The following VIT variants were observed in gnomAD, a reference collection of about 807,000 sequenced individuals.
VIT encodes vitrin.
In VIT, 99 loss-of-function variants were observed where a neutral mutation model predicts 78.0. The ratio of observed to expected loss-of-function variants is 1.27; its 90% CI spans 1.08 to 1.50. The LOEUF is 1.50. Ranked by LOEUF, VIT falls within the 40% of genes most tolerant of loss-of-function variation. VIT has a pLI of 0.00. For missense variants in VIT, 1,126 were observed against 875.3 expected (o/e 1.29, Z -3.61); for synonymous variants, 374 against 334.3 (o/e 1.12, Z -1.29).
At chr2:36,764,404 G>A (rs961593574) in intron 6 of VIT, among the ~76,000 whole-genome samples, 8 of 152,322 alleles carry the variant, frequency 5.3e-5, no homozygotes, top group Admixed American at 2.0e-4. Context: ...AGGGTAAGAC[G>A]GAGAAGTACT....
chr2:36,708,486 C>T (rs1573114999), intron 1 of VIT, among the ~76,000 whole-genome samples: 1 of 152,096 alleles, frequency 6.6e-6, no homozygotes, highest in Admixed American at 6.5e-5. Flanking sequence ...CTCTAGGGGG[C>T]TTATTAAAAA....
chr2:36,812,618 C>T (rs1667254890), intron 15 of VIT, among the ~76,000 whole-genome samples: 1 of 152,088 alleles, frequency 6.6e-6, no homozygotes, highest in Admixed American at 6.6e-5. Context: ...CCATTTGCAC[C>T]TAGACATGCT....
At chr2:36,707,789 C>A (rs10181855) in intron 1 of VIT, among the ~76,000 whole-genome samples, 1 of 151,298 alleles carries the variant, frequency 6.6e-6, no homozygotes, top group African/African-American at 2.4e-5. Flanking sequence ...AACCACCATA[C>A]TGAGAAAAGG....
chr2:36,719,435 A>C (rs753307749), intron 2 of VIT, among the ~76,000 whole-genome samples: 2 of 152,222 alleles, frequency 1.3e-5, no homozygotes, highest in African/African-American at 4.8e-5. Flanking sequence ...GAAAGCCCTA[A>C]AGACTCCACC....
intron 13 of VIT, among the ~76,000 whole-genome samples, chr2:36,802,985 T>G (rs1051863550): frequency 6.6e-6 from 1 of 152,220 alleles, no homozygotes; most frequent in East Asian, 1.9e-4. Flanking sequence ...TCTTCCAAGA[T>G]TAGGAAATCA....
intron 3 of VIT, among the ~76,000 whole-genome samples, chr2:36,730,332 G>A (rs569445161): frequency 6.6e-6 from 1 of 151,686 alleles, no homozygotes; most frequent in East Asian, 1.9e-4. Context: ...TGGAATAATA[G>A]ATGTTTACTT....
At chr2:36,705,728 A>G (rs566019070) in intron 1 of VIT, among the ~76,000 whole-genome samples, 1 of 152,198 alleles carries the variant, frequency 6.6e-6, no homozygotes, top group Admixed American at 6.5e-5. Flanking sequence ...AGTACATAGA[A>G]TATTTATGGG....
In VIT at chr2:36,805,533, T is replaced by G; in HGVS notation, c.1258T>G (p.Trp420Gly). The G allele has an allele frequency of 6.2e-7, 1 of 1,614,136 alleles. No homozygotes were observed. Among genetic ancestry groups the G allele is most frequent in the Non-Finnish European group, 8.5e-7 (1 of 1,180,016 alleles). Reference sequence around the variant, plus strand: ...TGTGGTGGTGGTGATGGTGGATGGCTGGCCCACGGACAAAGTGGAGGAGGC... The same window carrying G: ...TGTGGTGGTGGTGATGGTGGATGGCGGGCCCACGGACAAAGTGGAGGAGGC... ...PNVVVVMVDG[W>G]PTDKVEEASR... The change falls in exon 14 of 16, where the codon TGG (tryptophan) becomes GGG (glycine). Residue 420 changes from tryptophan (W) to glycine (G), a missense_variant. Transcript: ENST00000379242.
In VIT at chr2:36,805,411, C is replaced by A. The variant is rs183201068; in HGVS notation, c.1163-27C>A. 293 of 1,574,796 alleles carry A rather than the reference C, an allele frequency of 1.9e-4. No homozygotes were observed. The African/African-American group carries it at 3.6e-3, about 19-fold the overall frequency. The stretch of plus-strand genomic sequence containing the variant: ...GTATTTATAATCAGCGTGATCACTC[C>A]AAGCATGAATTTTCTTTTTCTTCCA... On this transcript the variant is annotated intron_variant, in intron 13 of 15. Coordinates refer to ENST00000379242, the MANE Select transcript of VIT (RefSeq NM_053276.4).
In VIT at chr2:36,773,863, C is replaced by A. The variant is rs985249421; in HGVS notation, c.736+16C>A. 1.3e-6 allele frequency: 2 copies of A among 1,579,320 alleles called. No individual in the cohort carries two copies. The highest frequency in any genetic ancestry group is 2.7e-5 in the African/African-American group (2 of 74,030). ...GCTGATCCAGGTAAGACCTTAAACT[C>A]CCTTTCCAGCCACTGATGAAAGTTA... On this transcript the variant is annotated intron_variant, in intron 8 of 15. Coordinates refer to ENST00000379242, the MANE Select transcript of VIT (RefSeq NM_053276.4).
intron 4 of VIT, among the ~76,000 whole-genome samples, chr2:36,752,012 C>G (rs1668493410): frequency 6.6e-6 from 1 of 152,032 alleles, no homozygotes; most frequent in African/African-American, 2.4e-5. Flanking sequence ...CTGCCAGAGT[C>G]CCAACAGTCA....
chr2:36,808,988 A>G lies in VIT; in HGVS notation c.1903+3A>G, dbSNP rs773751342. On this transcript the variant is annotated splice_donor_region_variant and intron_variant, in intron 15 of 15. Transcript: ENST00000379242. ...AGCCATGGCTGCCCATCTGAAGGGT[A>G]AGCTGGGCTTGCCAAGCAGCCTGGT... 8 of 1,569,960 alleles carry G rather than the reference A, an allele frequency of 5.1e-6. No homozygotes were observed. The highest frequency in any genetic ancestry group is 6.9e-6 in the Non-Finnish European group (8 of 1,153,976).
chr2:36,743,150 GAGTTCATTGTGA>G lies in VIT; in HGVS notation c.171_182del (p.Phe58_Lys61del). On this transcript the variant is annotated inframe_deletion, in exon 4 of 16. Transcript: ENST00000379242. Reference sequence around the variant, plus strand: ...CAAAGCCGGAAAGATCATCGATCCTGAGTTCATTGTGAAATGTCCAGCAGGATGCCAAGACCC... The same window carrying G: ...CAAAGCCGGAAAGATCATCGATCCTGAATGTCCAGCAGGATGCCAAGACCC... 5.6e-6 allele frequency: 9 copies of G among 1,614,044 alleles called. No individual in the cohort carries two copies. Among genetic ancestry groups the G allele is most frequent in the Non-Finnish European group, 7.6e-6 (9 of 1,179,964 alleles).
intron 8 of VIT, chr2:36,774,739 G>A: frequency 1.0e-6 from 1 of 985,394 alleles, no homozygotes; most frequent in Non-Finnish European, 1.2e-6. Flanking sequence ...ACTGGCCAGG[G>A]CAAGGACTCC....
At chr2:36,738,947 G>C (rs1050864792) in intron 3 of VIT, among the ~76,000 whole-genome samples, 3 of 152,000 alleles carry the variant, frequency 2.0e-5, no homozygotes, top group Admixed American at 1.3e-4. Context: ...TGCAAAAGAG[G>C]GTGCTTCAAA....
intron 1 of VIT, among the ~76,000 whole-genome samples, chr2:36,704,390 G>T (rs1002199275): frequency 3.9e-5 from 6 of 152,154 alleles, no homozygotes; most frequent in African/African-American, 1.4e-4. Flanking sequence ...ATTACTATGG[G>T]CATGAACTCT....
At chr2:36,782,773 C>T (rs1664847926) in intron 10 of VIT, among the ~76,000 whole-genome samples, 1 of 152,206 alleles carries the variant, frequency 6.6e-6, no homozygotes, top group African/African-American at 2.4e-5. Context: ...TGAATCTCTA[C>T]TTCTAGTCTC....
At chr2:36,809,073 A>G (rs1666963380) in intron 15 of VIT, 88 bp downstream of exon 15, 21 of 1,484,826 alleles carry the variant, frequency 1.4e-5, no homozygotes, top group Non-Finnish European at 1.9e-5. Flanking sequence ...TTGTCTTTTT[A>G]TGCATTGGTT....
chr2:36,803,144 A>C (rs2148669079), intron 13 of VIT, among the ~76,000 whole-genome samples: 1 of 152,198 alleles, frequency 6.6e-6, no homozygotes, highest in East Asian at 1.9e-4. Flanking sequence ...ATGGATCTCC[A>C]CACCCTGCCG....
Sources: gnomAD v4.1 joint callset for allele counts (sites outside exome capture counted in the v4.1 genomes callset) on GRCh38, gnomAD v4.1.1 for gene constraint, MANE v1.5 for transcripts, NCBI Gene and HGNC (gene_info 2026-07-23, HGNC 2026-07-21) for gene names.